The following REEP5 variants were observed in gnomAD, a reference collection of about 807,000 sequenced individuals.
REEP5 encodes the protein receptor expression-enhancing protein 5.
In REEP5, 24 loss-of-function variants were observed where a neutral mutation model predicts 22.4. That is an observed-to-expected ratio of 1.07 (90% CI 0.78 to 1.51). REEP5 has a LOEUF of 1.51. REEP5 is among the 40% of genes most tolerant of loss of function. The pLI is 0.00. For synonymous variants in REEP5, 103 were observed against 88.6 expected (o/e 1.16, Z -0.92); for missense variants, 252 against 233.0 (o/e 1.08, Z -0.53).
intron 3 of REEP5, chr5:112,892,686 A>C: frequency 6.2e-7 from 1 of 1,614,108 alleles, no homozygotes; most frequent in Non-Finnish European, 8.5e-7. Flanking sequence ...AAGCTAATAG[A>C]GACATCTACT....
intron 2 of REEP5, among the ~76,000 whole-genome samples, chr5:112,903,446 T>A (rs919477571): frequency 6.6e-6 from 1 of 151,560 alleles, no homozygotes; most frequent in African/African-American, 2.4e-5. Flanking sequence ...GGGCTGGGGG[T>A]AGTGAGGGAT....
At chr5:112,897,388 C>A (rs1323140862) in intron 3 of REEP5, 4 of 145,426 alleles carry the variant, frequency 2.8e-5, no homozygotes, top group Admixed American at 6.9e-5. Flanking sequence ...CACACACACA[C>A]ACACACAAAT....
At chr5:112,898,017 C>T (rs879511700) in intron 3 of REEP5, 2 of 152,242 alleles carry the variant, frequency 1.3e-5, no homozygotes, top group African/African-American at 4.8e-5. Context: ...CAAGATGGCA[C>T]CACTGCACTC....
At chr5:112,908,296 T>A (rs1327617553) in intron 2 of REEP5, among the ~76,000 whole-genome samples, 2 of 151,944 alleles carry the variant, frequency 1.3e-5, no homozygotes, top group Non-Finnish European at 2.9e-5. Flanking sequence ...AGAGACAGGG[T>A]TTCACCATGT....
chr5:112,907,529 G>A (rs1768981308), intron 2 of REEP5, among the ~76,000 whole-genome samples: 2 of 152,184 alleles, frequency 1.3e-5, no homozygotes, highest in South Asian at 2.1e-4. Context: ...GCAGAGGCAC[G>A]ACTACAAGGC....
intron 3 of REEP5, chr5:112,892,757 G>T: frequency 6.2e-7 from 1 of 1,613,956 alleles, no homozygotes. Flanking sequence ...GAGAAGATGG[G>T]CCACCACGAC....
chr5:112,918,630 T>G (rs1769283146), intron 2 of REEP5, among the ~76,000 whole-genome samples: 1 of 152,206 alleles, frequency 6.6e-6, no homozygotes, highest in East Asian at 1.9e-4. Flanking sequence ...GACCTTAAAA[T>G]ATAAATCGTA....
rs568378767 is a variant in REEP5, at chr5:112,904,197, G to A, written c.213-1679C>T. Among the ~76,000 whole-genome samples, 367 of 152,302 alleles carry A rather than the reference G, an allele frequency of 2.4e-3. 1 individual carries two copies. Among genetic ancestry groups the A allele is most frequent in the Middle Eastern group, 0.014 (4 of 294 alleles). On this transcript the variant is annotated intron_variant, in intron 2 of 4. Coordinates refer to ENST00000379638, the MANE Select transcript of REEP5 (RefSeq NM_005669.5). ...TGATTATTAAAAAATGGCTTGTAATGTATGCACAAAGTCTGTATTTTTTTA... is the reference window on the plus strand; with the variant it reads ...TGATTATTAAAAAATGGCTTGTAATATATGCACAAAGTCTGTATTTTTTTA...
chr5:112,916,243 T>C (rs998155153), intron 2 of REEP5, among the ~76,000 whole-genome samples: 2 of 152,252 alleles, frequency 1.3e-5, no homozygotes, highest in Non-Finnish European at 2.9e-5. Flanking sequence ...CTCTTGTAGA[T>C]ATTTTCATTG....
intron 3 of REEP5, among the ~76,000 whole-genome samples, chr5:112,901,073 A>G (rs902378475): frequency 5.9e-5 from 9 of 152,044 alleles, no homozygotes; most frequent in Admixed American, 5.2e-4. Flanking sequence ...TCCTGAGCTC[A>G]GGCCATCTGC....
intron 3 of REEP5, chr5:112,892,321 G>A (rs761870820): frequency 4.3e-6 from 7 of 1,614,096 alleles, no homozygotes; most frequent in East Asian, 4.5e-5. Flanking sequence ...TGACCCTGAC[G>A]CAAGCCTGGA....
chr5:112,881,725 G>A (rs548703734), intron 4 of REEP5, among the ~76,000 whole-genome samples: 1 of 152,186 alleles, frequency 6.6e-6, no homozygotes, highest in Admixed American at 6.5e-5. Context: ...AGTTCTTGAA[G>A]ATTTTAGCTC....
rs1424423622 is a variant in REEP5, at chr5:112,878,765, G to T, written c.*21C>A. On this transcript the variant is annotated 3_prime_UTR_variant, in exon 5 of 5. Transcript: ENST00000379638. ...CAGTAGGAAGGTACAGAGAGGGCAG[G>T]AAGTTTCCATCCAGTCTGGTTTAGG... 2 of 1,613,950 alleles carry T rather than the reference G, an allele frequency of 1.2e-6. No homozygotes were observed. The highest frequency in any genetic ancestry group is 8.5e-7 in the Non-Finnish European group (1 of 1,180,008).
Position 112,922,111 on chromosome 5 carries a change from T to TA in REEP5, c.79_80insT (p.Glu27ValfsTer47). The TA allele has an allele frequency of 6.2e-7, 1 of 1,604,928 alleles. No homozygotes were observed. Among genetic ancestry groups the TA allele is most frequent in the Non-Finnish European group, 8.5e-7 (1 of 1,175,994 alleles). On this transcript the variant is annotated frameshift_variant, in exon 1 of 5. Transcript: ENST00000379638. LOFTEE classifies it high-confidence loss of function. ...GCTCCTGTTCACGCCGGTTTTGGCC[T>TA]CGAGCTTGGCCAGAAGGTCAGTCAT...
chr5:112,910,357 G>T (rs1769069438), intron 2 of REEP5, among the ~76,000 whole-genome samples: 1 of 152,160 alleles, frequency 6.6e-6, no homozygotes, highest in African/African-American at 2.4e-5. Flanking sequence ...GATGGTAGAG[G>T]AGGCTGTGTA....
At chr5:112,902,224 G>GT (rs1227551134) in intron 3 of REEP5, among the ~76,000 whole-genome samples, 156 bp downstream of exon 3, 9 of 146,950 alleles carry the variant, frequency 6.1e-5, no homozygotes, top group Admixed American at 2.7e-4. Flanking sequence ...TTTTGTTTTT[G>GT]TTTTTTTTGA....
Position 112,877,373 on chromosome 5 carries a change from C to T in REEP5, c.*1413G>A, listed in dbSNP as rs1767929965. 6.6e-6 allele frequency: 1 copy of T among 152,094 alleles called. No homozygotes were observed. Among genetic ancestry groups the T allele is most frequent in the East Asian group, 1.9e-4 (1 of 5,200 alleles). The allele number at this position is 152,094 out of a possible 1,614,324, so 9.4% of individuals were successfully genotyped here. On this transcript the variant is annotated 3_prime_UTR_variant, in exon 5 of 5. Transcript: ENST00000379638. ...AGTTTAGTTATACACTTGTTTTAGT[C>T]GAGTTTAATTCAAAAGGACTCTTAA...
chr5:112,893,274 G>C (rs1356545865), intron 3 of REEP5: 2 of 266,100 alleles, frequency 7.5e-6, no homozygotes, highest in Non-Finnish European at 7.3e-6. Context: ...GCCAGGTGTG[G>C]TGGCAGGCGT....
At chr5:112,883,236 C>T (rs895573744) in intron 4 of REEP5, among the ~76,000 whole-genome samples, 3 of 152,222 alleles carry the variant, frequency 2.0e-5, no homozygotes, top group Non-Finnish European at 4.4e-5. Context: ...TATATTCTCT[C>T]ATCCCTTTTC....
Sources: gnomAD v4.1 joint callset for allele counts (sites outside exome capture counted in the v4.1 genomes callset) on GRCh38, gnomAD v4.1.1 for gene constraint, MANE v1.5 for transcripts, NCBI Gene and HGNC (gene_info 2026-07-23, HGNC 2026-07-21) for gene names.